The following TPCN2 variants were observed in gnomAD, a reference collection of about 807,000 sequenced individuals.
TPCN2 encodes the protein two pore channel protein 2.
A neutral mutation model predicts 111.4 loss-of-function variants in TPCN2; 92 were observed. That is an observed-to-expected ratio of 0.83 (90% confidence interval 0.70 to 0.98). The LOEUF is 0.98. Ranked by LOEUF, TPCN2 falls within the 50% of genes least tolerant of loss-of-function variation. The probability of loss-of-function intolerance (pLI) is 0.00; values close to 1 mark genes in which losing one functional copy is unlikely to be tolerated. For missense variants in TPCN2, 995 were observed against 980.1 expected (o/e 1.02, Z -0.20); for synonymous variants, 405 against 414.5 (o/e 0.98, Z 0.28).
rs529582908 is a variant in TPCN2, at chr11:69,083,896, C to T, written c.1690-49C>T. On this transcript the variant is annotated intron_variant, in intron 18 of 24. Coordinates refer to ENST00000294309, the MANE Select transcript of TPCN2 (RefSeq NM_139075.4). ...GCGTGGTGGGCCGGGATGGTGTCCC[C>T]TCAGTGGGGCCAGGAGGAGTAAGGG... 3 of 1,582,870 alleles carry T rather than the reference C, an allele frequency of 1.9e-6. No individual in the cohort carries two copies. In the African/African-American group the frequency reaches 4.0e-5, roughly 21 times the overall value.
chr11:69,085,657 G>C lies in TPCN2; in HGVS notation c.1839-14G>C. On this transcript the variant is annotated splice_polypyrimidine_tract_variant and intron_variant, in intron 20 of 24. Coordinates refer to ENST00000294309, the MANE Select transcript of TPCN2 (RefSeq NM_139075.4). ...GAGCCCCCGCCCCTGACCCAGGTGTGTTGTGTTCCCCAGCCTGGCCCCTGC... is the reference window on the plus strand; with the variant it reads ...GAGCCCCCGCCCCTGACCCAGGTGTCTTGTGTTCCCCAGCCTGGCCCCTGC... 3 of 1,579,958 alleles carry C rather than the reference G, an allele frequency of 1.9e-6. No homozygotes were observed. In the South Asian group the frequency reaches 3.3e-5, roughly 17 times the overall value.
chr11:69,079,855 G>A lies in TPCN2; in HGVS notation c.1561G>A (p.Ala521Thr). 1.2e-6 allele frequency: 2 copies of A among 1,613,796 alleles called. No homozygotes were observed. The highest frequency in any genetic ancestry group is 1.7e-6 in the Non-Finnish European group (2 of 1,179,942). Residue 521 changes from alanine to threonine, a missense_variant, in exon 17 of 25, where the codon GCT becomes ACT. Physicochemically the swap from Ala to Thr is moderately conservative, Grantham distance 58. Coordinates refer to ENST00000294309, the MANE Select transcript of TPCN2 (RefSeq NM_139075.4). ...AAAGGTTTTGGAGATCTCAACTCTG[G>A]CTGTGTACCGATTGCCACACCCAGG... is the stretch of plus-strand genomic sequence containing the variant. ...VLLVLEISTL[A>T]VYRLPHPGWR...
At position 69,081,428 on chromosome 11, in the gene TPCN2, C is replaced by G. The variant is rs1246666755; in HGVS notation, c.1618C>G (p.Leu540Val). 1.3e-6 allele frequency: 2 copies of G among 1,564,282 alleles called. No individual in the cohort carries two copies. Among genetic ancestry groups the G allele is most frequent in the Admixed American group, 1.9e-5 (1 of 53,906 alleles). ...WRPEMVGLLSLWDMTRMLNML... is the reference protein window; with the variant it reads ...WRPEMVGLLSVWDMTRMLNML... ...GCCGGAGATGGTGGGCCTGCTGTCG[C>G]TGTGGGACATGACCCGCATGCTGAA... The change falls in exon 18 of 25, where the codon CTG becomes GTG. Residue 540 changes from leucine (L) to valine (V), a missense_variant. By Grantham distance (32) the Leu-to-Val change is conservative. Coordinates refer to ENST00000294309, the MANE Select transcript of TPCN2 (RefSeq NM_139075.4).
At chr11:69,061,580 C>T (rs547209821) in intron 5 of TPCN2, among the ~76,000 whole-genome samples, 202 of 152,184 alleles carry the variant, frequency 1.3e-3, no homozygotes, top group African/African-American at 4.6e-3. Flanking sequence ...TCGGGCAGTG[C>T]GGGGACCTAC....
chr11:69,072,718 C>A lies in TPCN2; in HGVS notation c.1143+10C>A. ...ACAGGCCATGATGGAGGTACCCGCC[C>A]CCTGCTCCCAGCCTCCTCTGGGCTC... is the stretch of plus-strand genomic sequence containing the variant. On this transcript the variant is annotated intron_variant, in intron 12 of 24. Transcript: ENST00000294309. 1 of 1,613,514 alleles carries A rather than the reference C, an allele frequency of 6.2e-7. No homozygotes were observed. The highest frequency in any genetic ancestry group is 8.5e-7 in the Non-Finnish European group (1 of 1,179,966).
At chr11:69,055,439 A>G in intron 4 of TPCN2, 87 bp downstream of exon 4, 1 of 1,341,880 alleles carries the variant, frequency 7.5e-7, no homozygotes, top group Middle Eastern at 2.4e-4. Flanking sequence ...GATTCTCTGG[A>G]GTGAGCTGCC....
At chr11:69,083,068 G>A (rs1056435707) in intron 18 of TPCN2, 13 of 152,178 alleles carry the variant, frequency 8.5e-5, no homozygotes, top group Non-Finnish European at 1.8e-4. Flanking sequence ...ACACATGATC[G>A]TGTGTGCACA....
rs1305970926 is a variant in TPCN2, at chr11:69,069,826, G to T, written c.830-604G>T. Among the ~76,000 whole-genome samples, 4 of 142,706 alleles carry T rather than the reference G, an allele frequency of 2.8e-5. 2 individuals carry two copies. Among genetic ancestry groups the T allele is most frequent in the Non-Finnish European group, 6.1e-5 (4 of 65,786 alleles). The allele number at this position is 142,706 out of a possible 152,430, so 93.6% of individuals were successfully genotyped here. On this transcript the variant is annotated intron_variant, in intron 8 of 24. Transcript: ENST00000294309. ...TGAGTCCTAGGAAGTGACTGCAGGG[G>T]GAGCAGGACTGACTGTGGGGAGGGC...
chr11:69,070,064 A>T (rs1176588608), intron 8 of TPCN2, among the ~76,000 whole-genome samples: 1 of 145,596 alleles, frequency 6.9e-6, no homozygotes, highest in Non-Finnish European at 1.5e-5. Context: ...ATGCTCTGTC[A>T]CCCAGACTGG....
intron 10 of TPCN2, 146 bp downstream of exon 10, chr11:69,071,566 C>G: frequency 1.4e-6 from 1 of 711,540 alleles, no homozygotes; most frequent in Non-Finnish European, 2.5e-6. Flanking sequence ...GTGGATCAGC[C>G]GGGGATGCAC....
At chr11:69,056,480 G>T (rs952597385) in intron 4 of TPCN2, among the ~76,000 whole-genome samples, 7 of 152,224 alleles carry the variant, frequency 4.6e-5, no homozygotes, top group Non-Finnish European at 7.3e-5. Flanking sequence ...AGTGTCAAAA[G>T]GTGAGAGAGG....
intron 18 of TPCN2, 132 bp downstream of exon 18, chr11:69,081,631 C>G: frequency 3.4e-6 from 2 of 596,484 alleles, no homozygotes; most frequent in Non-Finnish European, 5.9e-6. Flanking sequence ...TGGCTGCACC[C>G]TCAGCTCTCT....
In TPCN2 at chr11:69,072,003, G is replaced by A. The variant is rs772231461; in HGVS notation, c.1041G>A (p.Glu347=). 1.5e-5 allele frequency: 24 copies of A among 1,613,704 alleles called. No homozygotes were observed. The South Asian group carries it at 2.6e-4, about 18-fold the overall frequency. The part of the protein sequence containing the change: ...AFEVLSSMVG[E]GGAFPQAVGV... ...AAGTCCTATCCTCCATGGTGGGGGAGGGAGGAGCCTTCCCTCAGGCGTGAG... is the reference window on the plus strand; with the variant it reads ...AAGTCCTATCCTCCATGGTGGGGGAAGGAGGAGCCTTCCCTCAGGCGTGAG... Residue 347 remains glutamate (E), a synonymous_variant, in exon 11 of 25, where the codon GAG becomes GAA. Transcript: ENST00000294309.
chr11:69,056,999 G>A (rs1307214890), intron 4 of TPCN2, among the ~76,000 whole-genome samples: 2 of 151,864 alleles, frequency 1.3e-5, no homozygotes, highest in East Asian at 1.9e-4. Context: ...CACCATGCCC[G>A]GCTAATTTTT....
chr11:69,087,042 G>A, intron 23 of TPCN2, 70 bp from the exon 24 acceptor site: 1 of 1,384,398 alleles, frequency 7.2e-7, no homozygotes, highest in Non-Finnish European at 1.0e-6. Flanking sequence ...GACCCTGGAG[G>A]GGCCGGGGAT....
At chr11:69,063,464 C>A (rs1168815351) in intron 6 of TPCN2, among the ~76,000 whole-genome samples, 2 of 152,068 alleles carry the variant, frequency 1.3e-5, no homozygotes, top group East Asian at 3.9e-4. Flanking sequence ...GCGCCCCAGG[C>A]CCAGCCTCCA....
intron 17 of TPCN2, among the ~76,000 whole-genome samples, chr11:69,080,908 G>A (rs545128214): frequency 7.9e-5 from 12 of 152,170 alleles, no homozygotes; most frequent in Non-Finnish European, 1.0e-4. Context: ...AGACCATGAG[G>A]GATGCCAAGC....
In TPCN2 at chr11:69,054,105, G is replaced by T. The variant is rs1371038509; in HGVS notation, c.174+8G>T. ...ATCGAAGATGCTATTCAGGTCGGTG[G>T]CACCTGCTCCCTGTGGCCGGGCCTG... On this transcript the variant is annotated splice_region_variant and intron_variant, in intron 2 of 24. Coordinates refer to ENST00000294309, the MANE Select transcript of TPCN2 (RefSeq NM_139075.4). The T allele has an allele frequency of 5.6e-6, 9 of 1,612,024 alleles. No individual in the cohort carries two copies. The highest frequency in any genetic ancestry group is 1.3e-5 in the African/African-American group (1 of 74,898).
At chr11:69,060,266 G>A (rs1250916432) in intron 5 of TPCN2, among the ~76,000 whole-genome samples, 1 of 152,214 alleles carries the variant, frequency 6.6e-6, no homozygotes, top group East Asian at 1.9e-4. Flanking sequence ...TCCGTGCAGC[G>A]CTTTCTTGAT....
Sources: allele counts gnomAD v4.1 joint callset (sites outside exome capture counted in the v4.1 genomes callset), GRCh38; gene constraint gnomAD v4.1.1; transcripts MANE v1.5; gene names NCBI Gene and HGNC (gene_info 2026-07-23, HGNC 2026-07-21).